DOCK3: variants seen among roughly 807,000 people sequenced by gnomAD.
DOCK3 encodes the protein dedicator of cytokinesis protein 3.
In DOCK3, 60 loss-of-function variants were observed where a neutral mutation model predicts 265.6. The ratio of observed to expected loss-of-function variants is 0.23; its 90% CI spans 0.18 to 0.28. DOCK3 has a LOEUF of 0.28. Ranked by LOEUF, DOCK3 falls within the 10% of genes least tolerant of loss-of-function variation. DOCK3 has a pLI of 1.00. For synonymous variants in DOCK3, 881 were observed against 938.0 expected, an observed-to-expected ratio of 0.94 and a Z score of 1.11; for missense variants, 1,981 against 2,594.3, an observed-to-expected ratio of 0.76 and a Z score of 5.14.
chr3:50,993,032 C>A (rs1314143530), intron 5 of DOCK3, among the ~76,000 whole-genome samples: 1 of 152,100 alleles, frequency 6.6e-6, no homozygotes, highest in Non-Finnish European at 1.5e-5. Context: ...ATGATTACAC[C>A]CTTTAGGGAC....
At chr3:50,786,347 T>C (rs1282852062) in intron 2 of DOCK3, among the ~76,000 whole-genome samples, 1 of 152,198 alleles carries the variant, frequency 6.6e-6, no homozygotes, top group Non-Finnish European at 1.5e-5. Context: ...GGCTTTAGTT[T>C]GGTGTTTCCC....
At position 51,358,651 on chromosome 3, in the gene DOCK3, C is replaced by A. The variant is rs757876110; in HGVS notation, c.4884+574C>A. ...TGATCCAAGCTCACATCTGAGATAG[C>A]CTAGGATGAGCAGTACTTTCATGCT... On this transcript the variant is annotated intron_variant, in intron 46 of 52. Coordinates refer to ENST00000266037, the MANE Select transcript of DOCK3 (RefSeq NM_004947.5). Among the ~76,000 whole-genome samples the A allele has an allele frequency of 2.0e-5, 3 of 152,194 alleles. No individual in the cohort carries two copies. The South Asian group carries it at 6.2e-4, about 32-fold the overall frequency.
chr3:51,214,106 G>A lies in DOCK3; in HGVS notation c.1127-16G>A. ...GGTAGAACTGTGGTTCTAAGAAAAT[G>A]CTTTTGTTTTTGCAGGTCTTATCAT... is the stretch of plus-strand genomic sequence containing the variant. On this transcript the variant is annotated splice_polypyrimidine_tract_variant and intron_variant, in intron 13 of 52. Coordinates refer to ENST00000266037, the MANE Select transcript of DOCK3 (RefSeq NM_004947.5). The A allele has an allele frequency of 6.2e-7, 1 of 1,613,480 alleles. No homozygotes were observed. The highest frequency in any genetic ancestry group is 8.5e-7 in the Non-Finnish European group (1 of 1,179,656).
chr3:51,160,950 C>A (rs2086100218), intron 12 of DOCK3, among the ~76,000 whole-genome samples: 1 of 152,026 alleles, frequency 6.6e-6, no homozygotes, highest in Non-Finnish European at 1.5e-5. Context: ...GTGGCACGTG[C>A]CTGTAATCCC....
chr3:50,684,211 A>C (rs1315457073), intron 1 of DOCK3, among the ~76,000 whole-genome samples: 2 of 152,020 alleles, frequency 1.3e-5, no homozygotes, highest in Non-Finnish European at 2.9e-5. Context: ...ACCAACCTCT[A>C]GTATGTCATT....
intron 2 of DOCK3, among the ~76,000 whole-genome samples, chr3:50,828,281 CCCA>C (rs2044895870): frequency 1.3e-5 from 2 of 152,180 alleles, no homozygotes; most frequent in South Asian, 4.1e-4. Flanking sequence ...TTTACCACTC[CCCA>C]GATCGCATGA....
Position 50,740,576 on chromosome 3 carries a change from T to C in DOCK3, c.38-38099T>C, listed in dbSNP as rs2108221525. Among the ~76,000 whole-genome samples, 3 of 152,324 alleles carry C rather than the reference T, an allele frequency of 2.0e-5. 1 individual carries two copies. The South Asian group carries it at 6.2e-4, about 32-fold the overall frequency. ...ATTTTAGCAGTCTATAGGTGTGTAGTGGTATCTCACTGTAGCTTTAATTTG... is the reference window on the plus strand; with the variant it reads ...ATTTTAGCAGTCTATAGGTGTGTAGCGGTATCTCACTGTAGCTTTAATTTG... On this transcript the variant is annotated intron_variant, in intron 1 of 52. Coordinates refer to ENST00000266037, the MANE Select transcript of DOCK3 (RefSeq NM_004947.5).
At chr3:51,276,392 A>G in intron 25 of DOCK3, 1 of 985,404 alleles carries the variant, frequency 1.0e-6, no homozygotes, top group Non-Finnish European at 1.2e-6. Context: ...TGCTAAAGGA[A>G]GGAGAGAAAT....
At chr3:51,291,127 T>C (rs151271324) in intron 27 of DOCK3, among the ~76,000 whole-genome samples, 5 of 152,142 alleles carry the variant, frequency 3.3e-5, no homozygotes, top group African/African-American at 1.2e-4. Context: ...TGGAAACATA[T>C]CAAATCTTAC....
At chr3:50,894,603 A>AT (rs999341942) in intron 4 of DOCK3, among the ~76,000 whole-genome samples, 4 of 152,168 alleles carry the variant, frequency 2.6e-5, no homozygotes, top group African/African-American at 7.2e-5. Flanking sequence ...TATATAAATA[A>AT]TTTTAGTATA....
chr3:51,199,088 C>G (rs1295655397), intron 12 of DOCK3, among the ~76,000 whole-genome samples: 2 of 152,122 alleles, frequency 1.3e-5, no homozygotes, highest in Non-Finnish European at 2.9e-5. Flanking sequence ...CACCTCCGGT[C>G]TACAGCTCCC....
At chr3:51,012,684 G>C (rs903568974) in intron 5 of DOCK3, among the ~76,000 whole-genome samples, 1 of 152,096 alleles carries the variant, frequency 6.6e-6, no homozygotes, top group Non-Finnish European at 1.5e-5. Flanking sequence ...GCCCCAATGA[G>C]ATGAACCTGG....
At chr3:50,960,713 A>G (rs898605548) in intron 5 of DOCK3, among the ~76,000 whole-genome samples, 2 of 152,092 alleles carry the variant, frequency 1.3e-5, no homozygotes, top group African/African-American at 4.8e-5. Context: ...TAGTTTATCC[A>G]TTTTTTAAAT....
chr3:50,781,782 C>G (rs1207484700), intron 2 of DOCK3, among the ~76,000 whole-genome samples: 2 of 152,078 alleles, frequency 1.3e-5, no homozygotes, highest in Non-Finnish European at 2.9e-5. Context: ...CTCTTCCTAC[C>G]TTCCATTCTC....
intron 32 of DOCK3, among the ~76,000 whole-genome samples, chr3:51,316,401 A>C (rs2083365882): frequency 1.3e-5 from 2 of 152,184 alleles, no homozygotes; most frequent in Admixed American, 1.3e-4. Context: ...TCTTTTGTGG[A>C]TTATAAATAA....
chr3:51,075,314 CT>C, intron 6 of DOCK3, 41 bp from the exon 7 acceptor site: 1 of 1,528,884 alleles, frequency 6.5e-7, no homozygotes, highest in Non-Finnish European at 8.9e-7. Context: ...GATAAGTAAT[CT>C]GAGTACATGG....
At chr3:51,209,305 C>CCAGT (rs2089386640) in intron 13 of DOCK3, among the ~76,000 whole-genome samples, 1 of 152,140 alleles carries the variant, frequency 6.6e-6, no homozygotes, top group Non-Finnish European at 1.5e-5. Context: ...GATTAGTCTG[C>CCAGT]CAGTATCGGT....
chr3:50,935,172 C>T (rs2051287399), intron 5 of DOCK3, among the ~76,000 whole-genome samples: 1 of 152,128 alleles, frequency 6.6e-6, no homozygotes, highest in African/African-American at 2.4e-5. Flanking sequence ...TTCTCTCTAG[C>T]CAAAGGATAG....
chr3:51,033,512 A>G (rs1007950659), intron 5 of DOCK3, among the ~76,000 whole-genome samples: 17 of 152,230 alleles, frequency 1.1e-4, no homozygotes, highest in Admixed American at 9.8e-4. Context: ...ATTTGAAGCA[A>G]TGCTTCAGGA....
Sources: gnomAD v4.1 joint callset for allele counts (sites outside exome capture counted in the v4.1 genomes callset) on GRCh38, gnomAD v4.1.1 for gene constraint, MANE v1.5 for transcripts, NCBI Gene and HGNC (gene_info 2026-07-23, HGNC 2026-07-21) for gene names.